NRG1: variants seen among roughly 807,000 people sequenced by gnomAD.
NRG1 encodes pro-neuregulin-1, membrane-bound isoform.
In NRG1, 18 loss-of-function variants were observed where a neutral mutation model predicts 63.8. The ratio of observed to expected loss-of-function variants is 0.28; its 90% confidence interval spans 0.19 to 0.42. The LOEUF is 0.42. NRG1 is among the 10% of genes least tolerant of loss of function. The probability of loss-of-function intolerance (pLI) is 1.00; values close to 1 mark genes in which losing one functional copy is unlikely to be tolerated. For synonymous variants in NRG1, 302 were observed against 301.3 expected (o/e 1.00, Z -0.02); for missense variants, 762 against 814.7 (o/e 0.94, Z 0.79).
intron 1 of NRG1, among the ~76,000 whole-genome samples, chr8:31,987,652 T>C (rs1025625446): frequency 6.6e-6 from 1 of 151,948 alleles, no homozygotes; most frequent in African/African-American, 2.4e-5. Flanking sequence ...CTATGCTCTC[T>C]ACCTGCCTGA....
intron 1 of NRG1, among the ~76,000 whole-genome samples, chr8:32,492,492 T>C (rs762627110): frequency 5.9e-5 from 9 of 151,782 alleles, no homozygotes; most frequent in Non-Finnish European, 1.3e-4. Flanking sequence ...CAGATCTGAG[T>C]TGCAGTGCAG....
intron 1 of NRG1, among the ~76,000 whole-genome samples, chr8:31,687,819 T>C (rs1298302254): frequency 6.6e-6 from 1 of 152,220 alleles, no homozygotes; most frequent in Non-Finnish European, 1.5e-5. Flanking sequence ...GGCCAGGTCT[T>C]TGTAAACCAC....
At chr8:32,460,652 C>A (rs755314575) in intron 1 of NRG1, among the ~76,000 whole-genome samples, 28 of 152,300 alleles carry the variant, frequency 1.8e-4, no homozygotes, top group Non-Finnish European at 3.5e-4. Context: ...AAGTAGGCAA[C>A]TGGAGGCTTG....
At chr8:32,234,500 CACA>C (rs1847324532) in intron 1 of NRG1, among the ~76,000 whole-genome samples, 1 of 152,164 alleles carries the variant, frequency 6.6e-6, no homozygotes, top group South Asian at 2.1e-4. Context: ...TGTCCAATAT[CACA>C]ACTTTAGATA....
At chr8:31,989,341 G>A (rs577871842) in intron 1 of NRG1, among the ~76,000 whole-genome samples, 34 of 148,890 alleles carry the variant, frequency 2.3e-4, no homozygotes, top group Non-Finnish European at 4.6e-4. Flanking sequence ...TAGCTTTTTA[G>A]CAGGAACATC....
At chr8:32,267,830 G>T (rs16879068) in intron 1 of NRG1, among the ~76,000 whole-genome samples, 2 of 151,992 alleles carry the variant, frequency 1.3e-5, no homozygotes, top group African/African-American at 2.4e-5. Context: ...GAAAACCATC[G>T]TGCATTTTCC....
At chr8:32,127,500 T>TAGTA (rs1218206313) in intron 1 of NRG1, among the ~76,000 whole-genome samples, 1 of 150,564 alleles carries the variant, frequency 6.6e-6, no homozygotes, top group Non-Finnish European at 1.5e-5. Context: ...AACCCTACTC[T>TAGTA]GTTGGGTGGA....
chr8:32,262,880 G>T (rs868734234), intron 1 of NRG1, among the ~76,000 whole-genome samples: 1 of 152,086 alleles, frequency 6.6e-6, no homozygotes, highest in Non-Finnish European at 1.5e-5. Flanking sequence ...GACAAATCAT[G>T]AGAGTTTGCC....
chr8:31,888,076 TATC>T (rs2129613583), intron 1 of NRG1, among the ~76,000 whole-genome samples: 1 of 151,978 alleles, frequency 6.6e-6, no homozygotes, highest in Non-Finnish European at 1.5e-5. Context: ...ATGTCTTACA[TATC>T]AATATTATAC....
intron 1 of NRG1, among the ~76,000 whole-genome samples, chr8:31,859,042 G>A (rs1828224303): frequency 1.3e-5 from 2 of 151,946 alleles, no homozygotes; most frequent in Admixed American, 1.3e-4. Context: ...TTTCTCATTG[G>A]CAAAAAAGTG....
intron 10 of NRG1, 145 bp downstream of exon 10, chr8:32,759,581 T>A: frequency 1.0e-6 from 1 of 999,670 alleles, no homozygotes; most frequent in South Asian, 1.8e-5. Flanking sequence ...GGCTTTGCCC[T>A]TAATTCCTGC....
chr8:31,955,363 C>T (rs1363840988), intron 1 of NRG1, among the ~76,000 whole-genome samples: 3 of 152,328 alleles, frequency 2.0e-5, no homozygotes, highest in African/African-American at 4.8e-5. Context: ...CAGATCCTTT[C>T]ATGCTTCATT....
intron 1 of NRG1, among the ~76,000 whole-genome samples, chr8:32,158,758 G>A (rs1352894272): frequency 6.6e-6 from 1 of 152,018 alleles, no homozygotes; most frequent in African/African-American, 2.4e-5. Flanking sequence ...TGACTTAATA[G>A]ATTTGGGAAG....
intron 1 of NRG1, among the ~76,000 whole-genome samples, chr8:32,438,368 G>A (rs1283783062): frequency 6.6e-6 from 1 of 152,122 alleles, no homozygotes; most frequent in Non-Finnish European, 1.5e-5. Context: ...TTGTGTACTA[G>A]TAGTTCATTC....
intron 1 of NRG1, among the ~76,000 whole-genome samples, chr8:31,964,335 T>C (rs1016402151): frequency 1.3e-5 from 2 of 152,192 alleles, no homozygotes; most frequent in African/African-American, 4.8e-5. Context: ...GGACATTGTT[T>C]TGAGACAAAA....
At chr8:32,092,181 G>A (rs1001900947) in intron 1 of NRG1, among the ~76,000 whole-genome samples, 18 of 152,004 alleles carry the variant, frequency 1.2e-4, no homozygotes, top group African/African-American at 4.3e-4. Flanking sequence ...AAATATGGCA[G>A]GGTGCAGTGG....
chr8:32,711,805 A>C (rs184093197), intron 5 of NRG1, among the ~76,000 whole-genome samples: 2 of 152,184 alleles, frequency 1.3e-5, no homozygotes, highest in Admixed American at 1.3e-4. Flanking sequence ...GAGCACATTT[A>C]AAGTGCTCTG....
chr8:32,401,520 G>T (rs949242804), intron 1 of NRG1, among the ~76,000 whole-genome samples: 1 of 152,046 alleles, frequency 6.6e-6, no homozygotes, highest in Non-Finnish European at 1.5e-5. Flanking sequence ...AAAAGGCTTT[G>T]CATTCTATAG....
intron 1 of NRG1, among the ~76,000 whole-genome samples, chr8:31,939,635 T>A (rs1304879314): frequency 6.6e-6 from 1 of 152,118 alleles, no homozygotes; most frequent in African/African-American, 2.4e-5. Flanking sequence ...GCAGAATGAA[T>A]AAGCATTCAC....
Sources: gnomAD v4.1 joint callset for allele counts (sites outside exome capture counted in the v4.1 genomes callset) on GRCh38, gnomAD v4.1.1 for gene constraint, MANE v1.5 for transcripts, NCBI Gene and HGNC (gene_info 2026-07-23, HGNC 2026-07-21) for gene names.